The following PRTG variants were observed in gnomAD, a reference collection of about 807,000 sequenced individuals.
The protein encoded by PRTG is protogenin, also known as immunoglobulin superfamily, DCC subclass, member 5.
PRTG carries 67 observed loss-of-function variants against 122.5 expected under a neutral mutation model. That is an observed-to-expected ratio of 0.55 (90% CI 0.45 to 0.67). The LOEUF is 0.67. Ranked by LOEUF, PRTG falls within the 30% of genes least tolerant of loss-of-function variation. PRTG has a pLI of 0.00. For missense variants in PRTG, 1,435 were observed against 1,415.4 expected, an observed-to-expected ratio of 1.01 and a Z score of -0.22; for synonymous variants, 554 against 501.1, an observed-to-expected ratio of 1.11 and a Z score of -1.41.
At chr15:55,662,007 G>A (rs1255632242) in intron 11 of PRTG, among the ~76,000 whole-genome samples, 1 of 152,060 alleles carries the variant, frequency 6.6e-6, no homozygotes, top group Non-Finnish European at 1.5e-5. Flanking sequence ...ATTTCGAAAG[G>A]TGATAACTAT....
chr15:55,671,780 C>T (rs1034906723), intron 11 of PRTG, among the ~76,000 whole-genome samples: 1 of 152,180 alleles, frequency 6.6e-6, no homozygotes, highest in Non-Finnish European at 1.5e-5. Context: ...GGATTACAGG[C>T]ATGAGCCACC....
In PRTG at chr15:55,619,258, T is replaced by C. The variant is rs1188539891; in HGVS notation, c.*754A>G. On this transcript the variant is annotated 3_prime_UTR_variant, in exon 20 of 20. Transcript: ENST00000389286. ...ATGATCCCTACCTGGTATTGAATAG[T>C]TCTGTTCTCAAAAGAAATATACTTT... The C allele has an allele frequency of 3.9e-5, 6 of 152,168 alleles. No individual in the cohort carries two copies. The highest frequency in any genetic ancestry group is 1.4e-4 in the African/African-American group (6 of 41,452). The allele number at this position is 152,168 out of a possible 1,614,324, so 9.4% of individuals were successfully genotyped here. A position where few individuals can be genotyped will look rare whatever the true frequency, so the allele number is the denominator to read the frequency against.
At position 55,672,504 on chromosome 15, in the gene PRTG, T is replaced by C. The variant is rs772997266; in HGVS notation, c.1982A>G (p.Gln661Arg). 3 of 1,614,176 alleles carry C rather than the reference T, an allele frequency of 1.9e-6. No individual in the cohort carries two copies. Among genetic ancestry groups the C allele is most frequent in the Non-Finnish European group, 8.5e-7 (1 of 1,180,018 alleles). The change falls in exon 11 of 20, where the codon CAG becomes CGG. Residue 661 changes from glutamine to arginine, a missense_variant. Gln to Arg is a conservative substitution (Grantham distance 43). Transcript: ENST00000389286. ...YKLYYKEEGQ[Q>R]ENGPIFLDTK... ...ATCCAAGAAAATGGGCCCATTCTCCTGCTGCCCTTCTTCCTTGTAGTACAG... is the reference window on the plus strand; with the variant it reads ...ATCCAAGAAAATGGGCCCATTCTCCCGCTGCCCTTCTTCCTTGTAGTACAG...
intron 4 of PRTG, among the ~76,000 whole-genome samples, chr15:55,681,950 T>C (rs999557133): frequency 6.6e-6 from 1 of 152,086 alleles, no homozygotes; most frequent in African/African-American, 2.4e-5. Flanking sequence ...AATACACAAA[T>C]TTTAAAATAT....
chr15:55,639,911 C>T lies in PRTG; in HGVS notation c.2138-83G>A, dbSNP rs1436741545. The T allele has an allele frequency of 2.6e-6, 4 of 1,535,390 alleles. No homozygotes were observed. The African/African-American group carries it at 4.1e-5, about 16-fold the overall frequency. On this transcript the variant is annotated intron_variant, in intron 12 of 19. Transcript: ENST00000389286. ...GGTAAAATGGTAAAATAATAATATC[C>T]CACCCTATAAGTTGATTTTAGGTCT...
At chr15:55,728,532 C>T (rs1473258419) in intron 2 of PRTG, among the ~76,000 whole-genome samples, 6 of 148,858 alleles carry the variant, frequency 4.0e-5, no homozygotes, top group African/African-American at 1.5e-4. Flanking sequence ...ACAAAAAAGG[C>T]ATTTGAAAAA....
intron 11 of PRTG, among the ~76,000 whole-genome samples, chr15:55,664,057 GT>G (rs1252621217): frequency 6.6e-6 from 1 of 152,166 alleles, no homozygotes; most frequent in African/African-American, 2.4e-5. Flanking sequence ...CATTTAGGTT[GT>G]TTTCAGGTTT....
At position 55,679,397 on chromosome 15, in the gene PRTG, G is replaced by T. The variant is rs1326845455; in HGVS notation, c.1022C>A (p.Ala341Asp). 5.0e-6 allele frequency: 8 copies of T among 1,613,230 alleles called. No individual in the cohort carries two copies. ...CTGACACACAAATCGAGCAGTGCCA[G>T]CTCGAGGCCTTGTTAAACTTTCTGG... ...EWPESLTRPR[A>D]GTARFVCQAE... Residue 341 changes from alanine to aspartate, a missense_variant, in exon 7 of 20, where the codon GCT (alanine) becomes GAT (aspartate). By Grantham distance (126) the Ala-to-Asp change is moderately radical (BLOSUM62 -2). Coordinates refer to ENST00000389286, the MANE Select transcript of PRTG (RefSeq NM_173814.6).
At chr15:55,658,944 T>A (rs915499525) in intron 11 of PRTG, among the ~76,000 whole-genome samples, 1 of 152,168 alleles carries the variant, frequency 6.6e-6, no homozygotes, top group Non-Finnish European at 1.5e-5. Flanking sequence ...AAGGAAGAGA[T>A]GAATCAATTG....
chr15:55,691,526 CAAAA>C (rs1567101837), intron 2 of PRTG, among the ~76,000 whole-genome samples: 1 of 149,980 alleles, frequency 6.7e-6, no homozygotes, highest in African/African-American at 2.5e-5. Context: ...ACTAAAAACA[CAAAA>C]ATTAGCCGGG....
At chr15:55,633,029 A>G (rs954571309) in intron 15 of PRTG, among the ~76,000 whole-genome samples, 1 of 152,224 alleles carries the variant, frequency 6.6e-6, no homozygotes. Context: ...ATCTCTAACA[A>G]GAGGAAAGGT....
At position 55,627,082 on chromosome 15, in the gene PRTG, A is replaced by T. The variant is rs757831064; in HGVS notation, c.2853T>A (p.Ile951=). ...YHLDQKSMTG[I]AVGVGIALTC... ...TCAAGGCTATGCCAACACCTACAGC[A>T]ATGCCAGTCATTGATTTTTGGTCCA... Residue 951 remains isoleucine, a synonymous_variant, in exon 17 of 20, where the codon ATT becomes ATA. Coordinates refer to ENST00000389286, the MANE Select transcript of PRTG (RefSeq NM_173814.6). The T allele has an allele frequency of 1.4e-5, 22 of 1,609,660 alleles. No individual in the cohort carries two copies. The highest frequency in any genetic ancestry group is 1.7e-4 in the Middle Eastern group (1 of 6,044).
At chr15:55,635,074 G>GCTCT (rs1567076962) in intron 15 of PRTG, among the ~76,000 whole-genome samples, 2 of 135,338 alleles carry the variant, frequency 1.5e-5, no homozygotes, top group African/African-American at 5.9e-5. Flanking sequence ...GTTGGTTCTG[G>GCTCT]GTGTGTGTGT....
intron 12 of PRTG, 36 bp downstream of exon 12, chr15:55,641,077 G>T: frequency 7.2e-7 from 1 of 1,394,220 alleles, no homozygotes; most frequent in Non-Finnish European, 1.0e-6. Context: ...AACGGTGTGA[G>T]CCATAGTAAA....
intron 2 of PRTG, among the ~76,000 whole-genome samples, chr15:55,727,449 GA>G (rs1323338382): frequency 6.6e-6 from 1 of 152,012 alleles, no homozygotes; most frequent in Non-Finnish European, 1.5e-5. Context: ...GACTGAAGAA[GA>G]AATATAAAAT....
chr15:55,635,062 T>C (rs578045011), intron 15 of PRTG, among the ~76,000 whole-genome samples: 219 of 139,102 alleles, frequency 1.6e-3, no homozygotes, highest in Middle Eastern at 4.1e-3. Context: ...GAGCCCTCTG[T>C]TGTTGGTTCT....
intron 11 of PRTG, among the ~76,000 whole-genome samples, chr15:55,641,497 G>C (rs1447397007): frequency 2.0e-5 from 3 of 152,054 alleles, no homozygotes; most frequent in East Asian, 1.9e-4. Context: ...TCTTCCTTAA[G>C]TGGCAGATAG....
intron 11 of PRTG, among the ~76,000 whole-genome samples, chr15:55,642,449 T>G (rs1342543007): frequency 6.6e-6 from 1 of 151,852 alleles, no homozygotes; most frequent in African/African-American, 2.4e-5. Flanking sequence ...AAACCCCATC[T>G]CTACTAAAAA....
chr15:55,733,074 T>C (rs763469078), intron 2 of PRTG, among the ~76,000 whole-genome samples: 36 of 152,164 alleles, frequency 2.4e-4, no homozygotes, highest in Non-Finnish European at 5.0e-4. Context: ...CCGGGCATAG[T>C]GGCACGTGCC....
Sources: allele counts gnomAD v4.1 joint callset (sites outside exome capture counted in the v4.1 genomes callset), GRCh38; gene constraint gnomAD v4.1.1; transcripts MANE v1.5; gene names NCBI Gene and HGNC (gene_info 2026-07-23, HGNC 2026-07-21).